Variants in MAP7D3 observed in about 807,000 individuals in gnomAD.
MAP7D3 encodes the protein MAP7 domain containing 3, also known as MAP7 domain-containing protein 3.
Under a neutral mutation model 62.2 loss-of-function variants are expected in MAP7D3, and 45 were observed. The observed-to-expected ratio is 0.72, with a 90% CI of 0.57 to 0.93. MAP7D3 has a LOEUF of 0.93. Ranked by LOEUF, MAP7D3 falls within the 40% of genes least tolerant of loss-of-function variation. The pLI is 0.00. For missense variants in MAP7D3, 711 were observed against 683.1 expected (o/e 1.04, Z -0.45); for synonymous variants, 288 against 248.8 (o/e 1.16, Z -1.48).
chrX:136,254,890 AAACAAAAACAAACAAAC>A (rs988450624), upstream of MAP7D3, among the ~76,000 whole-genome samples: 17 of 100,156 alleles, frequency 1.7e-4, no homozygotes, highest in South Asian at 9.4e-4. Flanking sequence ...GTAAAAACAA[AAACAAAAACAAACAAAC>A]AACAAAAACA....
chrX:136,231,330 C>G (rs779198548), intron 8 of MAP7D3, among the ~76,000 whole-genome samples: 19 of 111,652 alleles, frequency 1.7e-4, no homozygotes, highest in Non-Finnish European at 3.4e-4. Flanking sequence ...AATAAAAACT[C>G]ACTAATATTT....
At chrX:136,245,536 A>G (rs1301019444) in intron 3 of MAP7D3, among the ~76,000 whole-genome samples, 1 of 111,343 alleles carries the variant, frequency 9.0e-6, no homozygotes, top group Non-Finnish European at 1.9e-5. Context: ...TCACGAGGTC[A>G]GGAGATCAAG....
intron 6 of MAP7D3, among the ~76,000 whole-genome samples, chrX:136,237,126 G>A (rs1443393091): frequency 8.9e-6 from 1 of 112,459 alleles, no homozygotes; most frequent in Non-Finnish European, 1.9e-5. Context: ...AGATACCCTC[G>A]CTCAGAATAC....
Position 136,241,253 on chromosome X carries a change from G to A in MAP7D3, c.442C>T (p.Arg148Cys), listed in dbSNP as rs750693264. The A allele has an allele frequency of 1.3e-5, 15 of 1,141,899 alleles. No individual in the cohort carries two copies. In the South Asian group the frequency reaches 2.5e-4, roughly 19 times the overall value. The allele number at this position is 1,141,899 out of a possible 1,213,427, so 94.1% of individuals were successfully genotyped here. A position where few individuals can be genotyped will look rare whatever the true frequency, so the allele number is the denominator to read the frequency against. ...GCAAGTCTCCTCCGTTCCAAAGTAC[G>A]ATAAAGAATGGCTGTAAATTTTTCC... Reference protein sequence around the residue: ...QKEKFTAILYRTLERRRLADD... With the variant: ...QKEKFTAILYCTLERRRLADD... The change falls in exon 5 of 19, where the codon CGT becomes TGT. Residue 148 changes from arginine to cysteine, a missense_variant. By Grantham distance (180) the Arg-to-Cys change is radical. Transcript: ENST00000316077.
chrX:136,244,553 G>T, intron 4 of MAP7D3, 79 bp downstream of exon 4: 1 of 931,401 alleles, frequency 1.1e-6, no homozygotes, highest in Non-Finnish European at 1.5e-6. Context: ...AAGTAAGGCA[G>T]AGAAGGCCTG....
At chrX:136,235,790 TA>T (rs1397646782) in intron 7 of MAP7D3, among the ~76,000 whole-genome samples, 1 of 112,181 alleles carries the variant, frequency 8.9e-6, no homozygotes, top group Non-Finnish European at 1.9e-5. Flanking sequence ...CTACTTTATG[TA>T]AAGAAGTACT....
chrX:136,254,245 C>A (rs1303083406), upstream of MAP7D3, among the ~76,000 whole-genome samples: 2 of 107,603 alleles, frequency 1.9e-5, no homozygotes, highest in Non-Finnish European at 3.8e-5. Flanking sequence ...CCCCCACGCC[C>A]GGCTAATTTT....
rs762571492 is a variant in MAP7D3 at position 136,251,347 on chromosome X, G to T, written c.12C>A (p.Asp4Glu). MMADGAAAGAGGSP... is the reference protein window; with the variant it reads MMAEGAAAGAGGSP... ...TGCCGCCAGCGCCAGCTGCGGCGCCGTCCGCCATCATCGGAGTCGGGACCG... is the reference window on the plus strand; with the variant it reads ...TGCCGCCAGCGCCAGCTGCGGCGCCTTCCGCCATCATCGGAGTCGGGACCG... Residue 4 changes from aspartate (D) to glutamate (E), a missense_variant, in exon 1 of 19, where the codon GAC becomes GAA. By Grantham distance (45) the Asp-to-Glu change is conservative (BLOSUM62 2). Coordinates refer to ENST00000316077, the MANE Select transcript of MAP7D3 (RefSeq NM_024597.4). The T allele has an allele frequency of 1.2e-5, 14 of 1,124,916 alleles. No individual in the cohort carries two copies. The South Asian group carries it at 2.6e-4, about 21-fold the overall frequency. 92.7% of individuals were successfully genotyped at this position (1,124,916 alleles called of 1,213,427 possible).
At chrX:136,242,640 C>A (rs1450753628) in intron 4 of MAP7D3, among the ~76,000 whole-genome samples, 1 of 111,418 alleles carries the variant, frequency 9.0e-6, no homozygotes, top group Non-Finnish European at 1.9e-5. Context: ...GCTGCATTCT[C>A]TTCTATTCTC....
At chrX:136,234,016 A>G (rs776458983) in intron 7 of MAP7D3, among the ~76,000 whole-genome samples, 7 of 111,190 alleles carry the variant, frequency 6.3e-5, no homozygotes, top group African/African-American at 2.3e-4. Context: ...ATAACCTGAC[A>G]TACACATAAT....
chrX:136,238,869 AC>A (rs199619620), intron 6 of MAP7D3, among the ~76,000 whole-genome samples: 2,830 of 112,500 alleles, frequency 0.025, 79 homozygotes, highest in African/African-American at 0.084. Flanking sequence ...AACTACTGCT[AC>A]AATTAATTAT....
In MAP7D3 at chrX:136,232,029, T is replaced by A. The variant is rs762042234; in HGVS notation, c.928A>T (p.Asn310Tyr). The stretch of plus-strand genomic sequence containing the variant: ...CTTGTGTTGCAGAATACTTCCACAT[T>A]CACCTGGGGGGGTGCATCCACACTT... The part of the protein sequence containing the change: ...KASVDAPPQV[N>Y]VEVFCNTSME... Residue 310 changes from asparagine to tyrosine, a missense_variant, in exon 8 of 19, where the codon AAT becomes TAT. Coordinates refer to ENST00000316077, the MANE Select transcript of MAP7D3 (RefSeq NM_024597.4). The A allele has an allele frequency of 8.3e-7, 1 of 1,209,311 alleles. No homozygotes were observed. The highest frequency in any genetic ancestry group is 1.8e-5 in the African/African-American group (1 of 57,113).
At chrX:136,224,587 AC>A (rs760213734) in intron 14 of MAP7D3, among the ~76,000 whole-genome samples, 1 of 111,542 alleles carries the variant, frequency 9.0e-6, no homozygotes, top group South Asian at 3.8e-4. Context: ...CATTTAAAGA[AC>A]CACAATGAGA....
upstream of MAP7D3, among the ~76,000 whole-genome samples, chrX:136,254,026 T>A (rs1274751129): frequency 9.1e-6 from 1 of 109,549 alleles, no homozygotes; most frequent in East Asian, 2.9e-4. Context: ...AAAAAAGACA[T>A]AAATATTGAA....
At chrX:136,219,979 G>A (rs767871298) in intron 16 of MAP7D3, among the ~76,000 whole-genome samples, 1 of 111,999 alleles carries the variant, frequency 8.9e-6, no homozygotes, top group East Asian at 2.8e-4. Context: ...TGTAGTAACA[G>A]AATTGGTACA....
rs752303761 is a variant in MAP7D3 at position 136,246,144 on chromosome X, G to A, written c.174C>T (p.Ile58=). ...SNIRSTFKPV[I]DGSMLKNDIK... ...TGTCATTTTTAAGCATGGATCCATC[G>A]ATTACTAAAAAAAAAAGAATATAGT... Residue 58 remains isoleucine, a synonymous_variant, in exon 3 of 19, where the codon ATC becomes ATT. Coordinates refer to ENST00000316077, the MANE Select transcript of MAP7D3 (RefSeq NM_024597.4). 8.5e-7 allele frequency: 1 copy of A among 1,177,745 alleles called. No individual in the cohort carries two copies. Among genetic ancestry groups the A allele is most frequent in the East Asian group, 3.0e-5 (1 of 33,597 alleles).
chrX:136,241,899 A>G (rs774425756), intron 4 of MAP7D3, among the ~76,000 whole-genome samples: 2 of 111,792 alleles, frequency 1.8e-5, no homozygotes, highest in Non-Finnish European at 3.8e-5. Flanking sequence ...CAAAGTAAAT[A>G]CCATGCTGCA....
intron 1 of MAP7D3, among the ~76,000 whole-genome samples, chrX:136,248,209 C>G: frequency 8.9e-6 from 1 of 111,906 alleles, no homozygotes; most frequent in Non-Finnish European, 1.9e-5. Flanking sequence ...TTTTACCAGG[C>G]TAATTAAAAA....
In MAP7D3 at chrX:136,229,628, G is replaced by A. The variant is rs149591888; in HGVS notation, c.1750+757C>T. Among the ~76,000 whole-genome samples the A allele has an allele frequency of 5.3e-4, 58 of 109,708 alleles. No individual in the cohort carries two copies. The East Asian group carries it at 0.016, about 30-fold the overall frequency. ...AAAACCTGCTCATCCACGAGTGGAT[G>A]TGCTCTCTCCAAGAACCATCACTAT... On this transcript the variant is annotated intron_variant, in intron 10 of 18. Transcript: ENST00000316077.
Sources: gnomAD v4.1 joint callset for allele counts (sites outside exome capture counted in the v4.1 genomes callset) on GRCh38, gnomAD v4.1.1 for gene constraint, MANE v1.5 for transcripts, NCBI Gene and HGNC (gene_info 2026-07-23, HGNC 2026-07-21) for gene names.